The following NAB1 variants were observed in gnomAD, a reference collection of about 807,000 sequenced individuals.
The protein encoded by NAB1 is NGFI-A-binding protein 1.
NAB1 carries 25 observed loss-of-function variants against 49.9 expected under a neutral mutation model. That is an observed-to-expected ratio of 0.50 (90% CI 0.37 to 0.70). The LOEUF (loss-of-function observed/expected upper bound fraction) is 0.70. Among genes scored for constraint, NAB1 ranks in the 30% least tolerant of loss-of-function variants. The pLI is 0.00. For synonymous variants in NAB1, 198 were observed against 215.6 expected, an observed-to-expected ratio of 0.92 and a Z score of 0.71; for missense variants, 489 against 575.9, an observed-to-expected ratio of 0.85 and a Z score of 1.54.
intron 4 of NAB1, among the ~76,000 whole-genome samples, chr2:190,660,486 C>T (rs1694166593): frequency 6.6e-6 from 1 of 152,076 alleles, no homozygotes; most frequent in East Asian, 1.9e-4. Flanking sequence ...TGATGTTTGG[C>T]ATTAAACATT....
At chr2:190,688,802 T>G (rs921855030) in intron 9 of NAB1, among the ~76,000 whole-genome samples, 1 of 151,900 alleles carries the variant, frequency 6.6e-6, no homozygotes, top group African/African-American at 2.4e-5. Flanking sequence ...CTTCCTTTCT[T>G]TCCTTTCTTT....
chr2:190,670,605 A>C lies in NAB1; in HGVS notation c.953+146A>C. On this transcript the variant is annotated intron_variant, in intron 5 of 9. Coordinates refer to ENST00000337386, the MANE Select transcript of NAB1 (RefSeq NM_005966.4). The surrounding 1 kb of genome is among the most constrained non-coding windows in gnomAD (Gnocchi z 5.3). ...GAAACTAAACAATGCAGTGATTTTG[A>C]AAACATTGCCAAGGTGATTTTTGTT... The C allele has an allele frequency of 1.1e-6, 1 of 906,812 alleles. No homozygotes were observed. The highest frequency in any genetic ancestry group is 1.6e-6 in the Non-Finnish European group (1 of 617,334). The allele number at this position is 906,812 out of a possible 1,614,324, so 56.2% of individuals were successfully genotyped here.
intron 3 of NAB1, among the ~76,000 whole-genome samples, chr2:190,656,833 A>G (rs986043977): frequency 1.3e-5 from 2 of 152,120 alleles, no homozygotes; most frequent in South Asian, 4.1e-4. Flanking sequence ...GTATTTTTCC[A>G]GATTTCCTCA....
At position 190,688,515 on chromosome 2, in the gene NAB1, T is replaced by C. The variant is rs944608633; in HGVS notation, c.1375+1198T>C. ...AAAAAGATGACATCCTGGTCTCATGTTTTCCATAACACAAAAAAAGTGATC... is the reference window on the plus strand; with the variant it reads ...AAAAAGATGACATCCTGGTCTCATGCTTTCCATAACACAAAAAAAGTGATC... On this transcript the variant is annotated intron_variant, in intron 9 of 9. Transcript: ENST00000337386. Among the ~76,000 whole-genome samples the C allele has an allele frequency of 3.9e-5, 6 of 152,168 alleles. No homozygotes were observed. The East Asian group carries it at 1.2e-3, about 29-fold the overall frequency.
chr2:190,663,668 C>T lies in NAB1; in HGVS notation c.819+3673C>T, dbSNP rs1215317499. ...GCTGTACACGTGTATATATTTGTCT[C>T]CTCTCTTAGTTATTTTATTGTTCTT... On this transcript the variant is annotated intron_variant, in intron 4 of 9. Coordinates refer to ENST00000337386, the MANE Select transcript of NAB1 (RefSeq NM_005966.4). The surrounding 1 kb of genome is among the most constrained non-coding windows in gnomAD (Gnocchi z 4.2). 6.6e-6 allele frequency among the ~76,000 whole-genome samples: 1 copy of T among 152,142 alleles called. No homozygotes were observed. Among genetic ancestry groups the T allele is most frequent in the Non-Finnish European group, 1.5e-5 (1 of 68,022 alleles).
rs1694016263 is a variant in NAB1, at chr2:190,657,981, A to G, written c.-19-1177A>G. On this transcript the variant is annotated intron_variant, in intron 3 of 9. Transcript: ENST00000337386. The surrounding 1 kb of genome is among the most constrained non-coding windows in gnomAD (Gnocchi z 4.4). ...GGGTGCATTTGATTACAACAAGTTT[A>G]TTTGTTTCTCTTAAATGGAAGTACT... Among the ~76,000 whole-genome samples, 1 of 152,088 alleles carries G rather than the reference A, an allele frequency of 6.6e-6. No homozygotes were observed. The highest frequency in any genetic ancestry group is 1.5e-5 in the Non-Finnish European group (1 of 68,008).
chr2:190,660,601 G>A (rs911772685), intron 4 of NAB1, among the ~76,000 whole-genome samples: 3 of 152,140 alleles, frequency 2.0e-5, no homozygotes, highest in African/African-American at 7.2e-5. Context: ...TATACTTCAC[G>A]TGTGTGTATA....
rs533284761 is a variant in NAB1 at position 190,659,025 on chromosome 2, A to G, written c.-19-133A>G. ...GAATGAGATAAAGTATGTAGAGAGA[A>G]TGCTGCCTTCACAGGCAGTCACGAT... is the stretch of plus-strand genomic sequence containing the variant. On this transcript the variant is annotated intron_variant, in intron 3 of 9. Coordinates refer to ENST00000337386, the MANE Select transcript of NAB1 (RefSeq NM_005966.4). This position sits in a 1 kb window ranked among gnomAD's most constrained non-coding sequence, Gnocchi z 6.2. The G allele has an allele frequency of 3.2e-5, 20 of 618,162 alleles. No individual in the cohort carries two copies. Among genetic ancestry groups the G allele is most frequent in the Non-Finnish European group, 5.3e-5 (19 of 357,652 alleles). 38.3% of individuals were successfully genotyped at this position (618,162 alleles called of 1,614,324 possible).
At chr2:190,681,484 G>T (rs1456508321) in intron 6 of NAB1, among the ~76,000 whole-genome samples, 1 of 152,160 alleles carries the variant, frequency 6.6e-6, no homozygotes, top group Non-Finnish European at 1.5e-5. Flanking sequence ...TTTGGATTTA[G>T]CTTGGACTGT....
chr2:190,670,478 G>A lies in NAB1; in HGVS notation c.953+19G>A, dbSNP rs1006279769. On this transcript the variant is annotated intron_variant, in intron 5 of 9. Transcript: ENST00000337386. The surrounding 1 kb of genome is among the most constrained non-coding windows in gnomAD (Gnocchi z 5.3). ...CCACCAAGTAAGTATTTAACTAATC[G>A]TCATTATTTTTGCATTGCTTGAGAG... 16 of 1,610,894 alleles carry A rather than the reference G, an allele frequency of 9.9e-6. No homozygotes were observed. Among genetic ancestry groups the A allele is most frequent in the Admixed American group, 3.4e-5 (2 of 59,468 alleles).
chr2:190,687,408 A>G, intron 9 of NAB1, 91 bp downstream of exon 9: 1 of 636,436 alleles, frequency 1.6e-6, no homozygotes, highest in Non-Finnish European at 2.6e-6. Flanking sequence ...AAAAAAAAAA[A>G]AAAAAAAAAA....
rs1351474237 is a variant in NAB1, at chr2:190,669,622, T to C, written c.820-704T>C. ...ACCTCTTGACAGTTTCCTATATCTA[T>C]TGACAAAATTATGTGAAAAAATTTC... On this transcript the variant is annotated intron_variant, in intron 4 of 9. Coordinates refer to ENST00000337386, the MANE Select transcript of NAB1 (RefSeq NM_005966.4). This position sits in a 1 kb window ranked among gnomAD's most constrained non-coding sequence, Gnocchi z 4.3. Among the ~76,000 whole-genome samples, 3 of 152,236 alleles carry C rather than the reference T, an allele frequency of 2.0e-5. No individual in the cohort carries two copies. Among genetic ancestry groups the C allele is most frequent in the African/African-American group, 7.2e-5 (3 of 41,460 alleles).
rs1290836138 is a variant in NAB1, at chr2:190,686,118, A to G, written c.1258+480A>G. On this transcript the variant is annotated intron_variant, in intron 8 of 9. Coordinates refer to ENST00000337386, the MANE Select transcript of NAB1 (RefSeq NM_005966.4). The surrounding 1 kb of genome is among the most constrained non-coding windows in gnomAD (Gnocchi z 5.5). ...AGCCATGTGATTCGTGAGTGTTTTT[A>G]CCATTCTAAAAAGTACTTCATTCTT... is the stretch of plus-strand genomic sequence containing the variant. Among the ~76,000 whole-genome samples the G allele has an allele frequency of 6.6e-6, 1 of 152,214 alleles. No homozygotes were observed. The highest frequency in any genetic ancestry group is 1.5e-5 in the Non-Finnish European group (1 of 68,042).
At chr2:190,683,271 C>G (rs1346601244) in intron 6 of NAB1, among the ~76,000 whole-genome samples, 1 of 133,434 alleles carries the variant, frequency 7.5e-6, no homozygotes, top group African/African-American at 2.9e-5. Context: ...GCTGTGATTT[C>G]TGGCGTGTGC....
chr2:190,671,254 A>T (rs1289271947), intron 5 of NAB1, among the ~76,000 whole-genome samples: 1 of 152,090 alleles, frequency 6.6e-6, no homozygotes, highest in Non-Finnish European at 1.5e-5. Context: ...TTCTTTGGGG[A>T]TGGAACTCTG....
intron 4 of NAB1, 65 bp downstream of exon 4, chr2:190,660,060 T>C (rs1694142569): frequency 1.4e-6 from 2 of 1,464,238 alleles, no homozygotes; most frequent in African/African-American, 1.4e-5. Flanking sequence ...TAGAGATAAA[T>C]TTGGTAATAG....
chr2:190,683,516 A>G (rs955889498), intron 6 of NAB1, among the ~76,000 whole-genome samples: 12 of 152,102 alleles, frequency 7.9e-5, no homozygotes, highest in Admixed American at 2.6e-4. Context: ...AACAATAGGA[A>G]TGATGACATT....
At position 190,689,427 on chromosome 2, in the gene NAB1, G is replaced by A. The variant is rs1212581817; in HGVS notation, c.1376-818G>A. ...GGAACTTAAAATCCCCTTCTGTTTA[G>A]ATAGAGAGGATTCATAAATTGAGCT... is the stretch of plus-strand genomic sequence containing the variant. On this transcript the variant is annotated intron_variant, in intron 9 of 9. Coordinates refer to ENST00000337386, the MANE Select transcript of NAB1 (RefSeq NM_005966.4). This position sits in a 1 kb window ranked among gnomAD's most constrained non-coding sequence, Gnocchi z 4.3. Among the ~76,000 whole-genome samples, 2 of 152,154 alleles carry A rather than the reference G, an allele frequency of 1.3e-5. No individual in the cohort carries two copies. Among genetic ancestry groups the A allele is most frequent in the East Asian group, 3.8e-4 (2 of 5,196 alleles).
rs781697323 is a variant in NAB1 at position 190,670,304 on chromosome 2, A to G, written c.820-22A>G. On this transcript the variant is annotated intron_variant, in intron 4 of 9. Transcript: ENST00000337386. The surrounding 1 kb of genome is among the most constrained non-coding windows in gnomAD (Gnocchi z 5.3). ...TGAAATTAAAATGTTCTTAATTTTG[A>G]AACTCTGTTTTGGATATCCAGCTCA... The G allele has an allele frequency of 9.5e-6, 15 of 1,578,800 alleles. No homozygotes were observed. Among genetic ancestry groups the G allele is most frequent in the African/African-American group, 1.4e-5 (1 of 72,886 alleles).
Sources: allele counts gnomAD v4.1 joint callset (sites outside exome capture counted in the v4.1 genomes callset), GRCh38; gene constraint gnomAD v4.1.1; non-coding constraint Gnocchi (gnomAD v3.1); transcripts MANE v1.5; gene names NCBI Gene and HGNC (gene_info 2026-07-23, HGNC 2026-07-21).